RPA1: variants seen among roughly 807,000 people sequenced by gnomAD.
The protein encoded by RPA1 is replication protein A1.
A neutral mutation model predicts 83.0 loss-of-function variants in RPA1; 49 were observed. That is an observed-to-expected ratio of 0.59 (90% confidence interval 0.47 to 0.75). RPA1 has a LOEUF of 0.75. Among genes scored for constraint, RPA1 ranks in the 30% least tolerant of loss-of-function variants. The probability of loss-of-function intolerance (pLI) is 0.00; values close to 1 mark genes in which losing one functional copy is unlikely to be tolerated. For synonymous variants in RPA1, 279 were observed against 281.8 expected, an observed-to-expected ratio of 0.99 and a Z score of 0.10; for missense variants, 693 against 776.1, an observed-to-expected ratio of 0.89 and a Z score of 1.27.
intron 15 of RPA1, among the ~76,000 whole-genome samples, chr17:1,892,535 A>C (rs1421789132): frequency 6.6e-6 from 1 of 152,206 alleles, no homozygotes; most frequent in African/African-American, 2.4e-5. Flanking sequence ...AGCACATCAG[A>C]GCTAGTGTGC....
intron 12 of RPA1, 74 bp from the exon 13 acceptor site, chr17:1,883,738 C>T (rs1448968878): frequency 2.5e-6 from 4 of 1,597,322 alleles, no homozygotes; most frequent in African/African-American, 2.7e-5. Context: ...TGTCGCGTAG[C>T]AGCAAGTTGC....
chr17:1,855,576 G>T (rs531650133), intron 5 of RPA1, among the ~76,000 whole-genome samples: 1 of 152,268 alleles, frequency 6.6e-6, no homozygotes, highest in East Asian at 1.9e-4. Context: ...GATTTGATTT[G>T]CTATATCCCT....
At chr17:1,832,626 A>T (rs1362955298) in intron 1 of RPA1, among the ~76,000 whole-genome samples, 1 of 151,824 alleles carries the variant, frequency 6.6e-6, no homozygotes, top group Non-Finnish European at 1.5e-5. Context: ...ACCTCAAGCA[A>T]TCCACCTGCT....
At chr17:1,894,829 A>G (rs1914337398) in intron 15 of RPA1, among the ~76,000 whole-genome samples, 180 bp from the exon 16 acceptor site, 1 of 152,202 alleles carries the variant, frequency 6.6e-6, no homozygotes, top group African/African-American at 2.4e-5. Context: ...TTAGTGTTTT[A>G]ATTTTCAATA....
chr17:1,862,119 C>G (rs1408744341), intron 5 of RPA1, among the ~76,000 whole-genome samples: 1 of 150,560 alleles, frequency 6.6e-6, no homozygotes, highest in Admixed American at 6.6e-5. Context: ...GTCTCCATCT[C>G]CTGACCTCGT....
chr17:1,854,733 A>G (rs79108126), intron 5 of RPA1, among the ~76,000 whole-genome samples: 247 of 152,324 alleles, frequency 1.6e-3, no homozygotes, highest in Middle Eastern at 6.8e-3. Context: ...AAGTGTGTAA[A>G]CTAGGATAAA....
chr17:1,896,405 C>T (rs371814095), intron 16 of RPA1, among the ~76,000 whole-genome samples: 189 of 152,298 alleles, frequency 1.2e-3, no homozygotes, highest in Non-Finnish European at 2.0e-3. Context: ...GTGGTAGAAA[C>T]GCCCCTGCTG....
chr17:1,853,735 A>T (rs1015998066), intron 5 of RPA1, among the ~76,000 whole-genome samples: 38 of 152,372 alleles, frequency 2.5e-4, no homozygotes, highest in African/African-American at 9.1e-4. Context: ...AGACTAAAAA[A>T]AAATCTAGGA....
rs1875443378 is a variant in RPA1, at chr17:1,884,202, G to C, written c.1374+258G>C. ...AGAGTCAATTCCTAGAGGGATCTTG[G>C]AGCAGGGGTGACAGTCAAGCTTTGT... On this transcript the variant is annotated intron_variant, in intron 13 of 16. Transcript: ENST00000254719. The surrounding 1 kb of genome is among the most constrained non-coding windows in gnomAD (Gnocchi z 4.1). 6.6e-6 allele frequency among the ~76,000 whole-genome samples: 1 copy of C among 152,164 alleles called. No homozygotes were observed. Among genetic ancestry groups the C allele is most frequent in the Non-Finnish European group, 1.5e-5 (1 of 68,024 alleles).
intron 10 of RPA1, 60 bp downstream of exon 10, chr17:1,879,467 G>C (rs1460406439): frequency 1.5e-5 from 24 of 1,611,112 alleles, no homozygotes; most frequent in African/African-American, 8.0e-5. Flanking sequence ...AGTGTACGGG[G>C]TGGTGTCAGG....
intron 1 of RPA1, among the ~76,000 whole-genome samples, chr17:1,834,924 C>A (rs1911756787): frequency 1.3e-5 from 2 of 152,028 alleles, no homozygotes; most frequent in Admixed American, 6.6e-5. Context: ...TGCAGAAGCA[C>A]AATCTCAGCT....
At chr17:1,872,970 C>T (rs1913435128) in intron 6 of RPA1, among the ~76,000 whole-genome samples, 1 of 152,074 alleles carries the variant, frequency 6.6e-6, no homozygotes, top group South Asian at 2.1e-4. Context: ...GCCAGGGTGT[C>T]CAGCCAAAGA....
chr17:1,861,797 C>T (rs890415909), intron 5 of RPA1, among the ~76,000 whole-genome samples: 6 of 151,702 alleles, frequency 4.0e-5, no homozygotes, highest in African/African-American at 1.5e-4. Flanking sequence ...GATCTTGGCT[C>T]ACTGCAACCT....
At position 1,842,151 on chromosome 17, in the gene RPA1, G is replaced by GGGGC. The variant is rs1300316285; in HGVS notation, c.34-649_34-648insCGGG. 7.2e-5 allele frequency among the ~76,000 whole-genome samples: 11 copies of GGGGC among 152,032 alleles called. No homozygotes were observed. In the East Asian group the frequency reaches 2.1e-3, roughly 29 times the overall value. ...GGATTATAGGCATGAACCTCTGCAT[G>GGGGC]GGGTGGTCTTTGTTTTTTTTTCTGT... is the stretch of plus-strand genomic sequence containing the variant. On this transcript the variant is annotated intron_variant, in intron 1 of 16. Coordinates refer to ENST00000254719, the MANE Select transcript of RPA1 (RefSeq NM_002945.5).
Position 1,897,301 on chromosome 17 carries a change from T to C in RPA1, c.*126T>C. The C allele has an allele frequency of 1.4e-6, 1 of 729,194 alleles. No individual in the cohort carries two copies. The highest frequency in any genetic ancestry group is 2.3e-6 in the Non-Finnish European group (1 of 442,500). The allele number at this position is 729,194 out of a possible 1,614,324, so 45.2% of individuals were successfully genotyped here. A position where few individuals can be genotyped will look rare whatever the true frequency, so the allele number is the denominator to read the frequency against. ...AGGCTCTTGATGGTGGACTAAGCAATTTCCCCCCTCGTGCGCATCTCAGAA... is the reference window on the plus strand; with the variant it reads ...AGGCTCTTGATGGTGGACTAAGCAACTTCCCCCCTCGTGCGCATCTCAGAA... On this transcript the variant is annotated 3_prime_UTR_variant, in exon 17 of 17. Coordinates refer to ENST00000254719, the MANE Select transcript of RPA1 (RefSeq NM_002945.5).
At position 1,870,695 on chromosome 17, in the gene RPA1, C is replaced by T. The variant is rs372963456; in HGVS notation, c.362-1739C>T. Among the ~76,000 whole-genome samples the T allele has an allele frequency of 3.2e-4, 48 of 152,306 alleles. No individual in the cohort carries two copies. The South Asian group carries it at 9.7e-3, about 31-fold the overall frequency. On this transcript the variant is annotated intron_variant, in intron 5 of 16. Transcript: ENST00000254719. Reference sequence around the variant, plus strand: ...TCCCTGGGAATTTGTCTGTTAGGTACCTCTTAAGATTTAGCTACATTTTTA... The same window carrying T: ...TCCCTGGGAATTTGTCTGTTAGGTATCTCTTAAGATTTAGCTACATTTTTA...
chr17:1,888,843 A>G lies in RPA1; in HGVS notation c.1543A>G (p.Ile515Val). The G allele has an allele frequency of 6.2e-7, 1 of 1,613,030 alleles. No individual in the cohort carries two copies. Among genetic ancestry groups the G allele is most frequent in the Non-Finnish European group, 8.5e-7 (1 of 1,179,024 alleles). The change falls in exon 14 of 17, where the codon ATC becomes GTC. Residue 515 changes from isoleucine (I) to valine (V), a missense_variant. Transcript: ENST00000254719. ...ATTTCCCAATTTCAAGTACCGCATG[A>G]TCCTGTCAGTAAGTAGCCTCGGTAG... ...TEFPNFKYRMILSVNIADFQE... is the reference protein window; with the variant it reads ...TEFPNFKYRMVLSVNIADFQE...
intron 13 of RPA1, among the ~76,000 whole-genome samples, chr17:1,887,544 C>G (rs549966521): frequency 7.5e-4 from 110 of 146,528 alleles, no homozygotes; most frequent in African/African-American, 2.6e-3. Context: ...GGTGACAGAG[C>G]GAGACTCCGT....
intron 6 of RPA1, among the ~76,000 whole-genome samples, chr17:1,875,343 G>A (rs1913533175): frequency 6.6e-6 from 1 of 152,192 alleles, no homozygotes; most frequent in Admixed American, 6.5e-5. Context: ...GGCAAGAGAA[G>A]TGTTTAAGAG....
Sources: gnomAD v4.1 joint callset for allele counts (sites outside exome capture counted in the v4.1 genomes callset) on GRCh38, gnomAD v4.1.1 for gene constraint, Gnocchi (gnomAD v3.1) non-coding constraint, MANE v1.5 for transcripts, NCBI Gene and HGNC (gene_info 2026-07-23, HGNC 2026-07-21) for gene names.